MYH7B: variants seen among roughly 807,000 people sequenced by gnomAD.
MYH7B encodes the protein myosin heavy chain 7B.
MYH7B carries 205 observed loss-of-function variants against 234.5 expected under a neutral mutation model. The observed-to-expected ratio is 0.87, with a 90% confidence interval of 0.78 to 0.98. MYH7B has a LOEUF of 0.98. Ranked by LOEUF, MYH7B falls within the 50% of genes least tolerant of loss-of-function variation. The pLI, the probability that MYH7B is intolerant of heterozygous loss-of-function variation, is 0.00. For synonymous variants in MYH7B, 1,193 were observed against 1,105.0 expected (o/e 1.08, Z -1.58); for missense variants, 2,652 against 2,633.4 (o/e 1.01, Z -0.15).
intron 2 of MYH7B, among the ~76,000 whole-genome samples, chr20:34,959,884 C>T (rs2081676868): frequency 6.6e-6 from 1 of 152,214 alleles, no homozygotes; most frequent in Non-Finnish European, 1.5e-5. Flanking sequence ...GTCGTTATCT[C>T]ACTTTCCCTT....
At chr20:34,997,320 C>T (rs1054303983) in exon 32 of MYH7B, 12 of 1,549,454 alleles carry the variant, frequency 7.7e-6, no homozygotes, top group Non-Finnish European at 1.0e-5. Flanking sequence ...GGAGAAGCAG[C>T]GTGCAGAGGC....
chr20:34,976,254 A>G (rs535083715), intron 3 of MYH7B, among the ~76,000 whole-genome samples: 71 of 152,236 alleles, frequency 4.7e-4, no homozygotes, highest in Non-Finnish European at 8.8e-4. Flanking sequence ...TTGAATGTAG[A>G]TGGTTGAAAA....
Position 34,997,233 on chromosome 20 carries a change from C to T in MYH7B, c.3358-18C>T. The T allele has an allele frequency of 1.3e-6, 2 of 1,556,398 alleles. No homozygotes were observed. The highest frequency in any genetic ancestry group is 2.4e-5 in the East Asian group (1 of 41,926). ...AGAGGCCCACAGAGGTGACAGCTGC[C>T]CCACGTGCCCACCCCAGGCTCGGGC... is the stretch of plus-strand genomic sequence containing the variant. On this transcript the variant is annotated intron_variant, in intron 31 of 44. Transcript: ENST00000262873.
intron 2 of MYH7B, among the ~76,000 whole-genome samples, chr20:34,972,914 G>A (rs190844042): frequency 9.9e-4 from 150 of 152,230 alleles, no homozygotes; most frequent in Admixed American, 1.6e-3. Context: ...GATTATCATA[G>A]GTGTGAGCCA....
At chr20:34,972,866 C>T (rs937366050) in intron 2 of MYH7B, among the ~76,000 whole-genome samples, 4 of 152,126 alleles carry the variant, frequency 2.6e-5, no homozygotes, top group Non-Finnish European at 4.4e-5. Context: ...CTCCTTGGCT[C>T]AAGTGATCCT....
exon 26 of MYH7B, chr20:34,993,416 C>A: frequency 6.2e-7 from 1 of 1,612,086 alleles, no homozygotes; most frequent in Non-Finnish European, 8.5e-7. Flanking sequence ...CTGCTGCAGG[C>A]GCGGAGCCGT....
chr20:34,986,015 C>T, intron 13 of MYH7B, 85 bp from the exon 14 acceptor site: 3 of 1,194,856 alleles, frequency 2.5e-6, no homozygotes, highest in Non-Finnish European at 3.6e-6. Flanking sequence ...ACTCCCTGCC[C>T]ACCTCTCTCC....
chr20:34,968,579 T>A (rs142132997), intron 2 of MYH7B, among the ~76,000 whole-genome samples: 214 of 152,302 alleles, frequency 1.4e-3, no homozygotes, highest in Middle Eastern at 3.4e-3. Flanking sequence ...TCCCTTACAC[T>A]CGGCTAAGCC....
exon 16 of MYH7B, chr20:34,987,223 C>A (rs755194801): frequency 1.2e-5 from 19 of 1,612,432 alleles, no homozygotes; most frequent in Non-Finnish European, 1.6e-5. Context: ...CCCTCCTGCA[C>A]TTTGGCAACA....
At chr20:34,996,858 G>A in intron 30 of MYH7B, 100 bp downstream of exon 30, 1 of 1,507,000 alleles carries the variant, frequency 6.6e-7, no homozygotes, top group East Asian at 2.3e-5. Flanking sequence ...CAGAGGTTAA[G>A]GGTGGGGGTT....
intron 28 of MYH7B, 24 bp from the exon 29 acceptor site, chr20:34,996,322 A>T: frequency 1.3e-6 from 2 of 1,559,544 alleles, no homozygotes; most frequent in South Asian, 2.3e-5. Context: ...GGGCGTCCCC[A>T]TTCTGGCCCT....
chr20:34,957,277 G>A (rs556498576), intron 1 of MYH7B, among the ~76,000 whole-genome samples: 23 of 152,268 alleles, frequency 1.5e-4, no homozygotes, highest in Non-Finnish European at 2.6e-4. Flanking sequence ...TGTGTGTTAG[G>A]CACTGGTTAC....
chr20:34,972,311 C>T (rs1053449306), intron 2 of MYH7B, among the ~76,000 whole-genome samples: 1 of 152,000 alleles, frequency 6.6e-6, no homozygotes, highest in African/African-American at 2.4e-5. Flanking sequence ...TGTTTTCTGC[C>T]TCATGGCTAT....
At chr20:34,959,684 G>C (rs1708012939) in intron 2 of MYH7B, among the ~76,000 whole-genome samples, 1 of 151,998 alleles carries the variant, frequency 6.6e-6, no homozygotes, top group Non-Finnish European at 1.5e-5. Flanking sequence ...TCACCTTGCT[G>C]TCCAGGCTGG....
chr20:34,959,139 A>G (rs1341444245), intron 2 of MYH7B, among the ~76,000 whole-genome samples: 1 of 152,256 alleles, frequency 6.6e-6, no homozygotes, highest in East Asian at 1.9e-4. Flanking sequence ...TTTTGAGGCT[A>G]TAGACTCGTC....
At chr20:34,999,237 C>A (rs368970971) in exon 36 of MYH7B, 1 of 1,609,224 alleles carries the variant, frequency 6.2e-7, no homozygotes, top group Admixed American at 1.7e-5. Context: ...GCACTTGGAA[C>A]GGGCACTGGA....
intron 28 of MYH7B, among the ~76,000 whole-genome samples, chr20:34,996,067 T>C (rs2082250228): frequency 6.6e-6 from 1 of 152,212 alleles, no homozygotes; most frequent in Non-Finnish European, 1.5e-5. Flanking sequence ...AGGAGGCAGC[T>C]GCCCTGAGCA....
chr20:34,984,060 C>G (rs896834446), intron 10 of MYH7B, among the ~76,000 whole-genome samples: 6 of 152,340 alleles, frequency 3.9e-5, no homozygotes, highest in Non-Finnish European at 8.8e-5. Context: ...GGCACCTGCC[C>G]TGCCGCTCCT....
chr20:34,992,203 G>T (rs1192914533), intron 24 of MYH7B, among the ~76,000 whole-genome samples: 1 of 152,106 alleles, frequency 6.6e-6, no homozygotes, highest in Non-Finnish European at 1.5e-5. Context: ...GGCTAACACG[G>T]TGAAACCCCA....
Sources: gnomAD v4.1 joint callset for allele counts (sites outside exome capture counted in the v4.1 genomes callset) on GRCh38, gnomAD v4.1.1 for gene constraint, MANE v1.5 for transcripts, NCBI Gene and HGNC (gene_info 2026-07-23, HGNC 2026-07-21) for gene names.